CACNA2D1: variants seen among roughly 807,000 people sequenced by gnomAD.
CACNA2D1 encodes the protein voltage-dependent calcium channel subunit alpha-2/delta-1.
A neutral mutation model predicts 171.5 loss-of-function variants in CACNA2D1; 53 were observed. The ratio of observed to expected loss-of-function variants is 0.31; its 90% CI spans 0.25 to 0.39. The LOEUF (loss-of-function observed/expected upper bound fraction) is 0.39. CACNA2D1 is among the 10% of genes least tolerant of loss of function. The pLI is 1.00. For missense variants in CACNA2D1, 903 were observed against 1,299.8 expected, an observed-to-expected ratio of 0.69 and a Z score of 4.69; for synonymous variants, 442 against 443.1, an observed-to-expected ratio of 1.00 and a Z score of 0.03.
At chr7:82,289,952 T>G (rs1811314888) in intron 3 of CACNA2D1, among the ~76,000 whole-genome samples, 1 of 152,248 alleles carries the variant, frequency 6.6e-6, no homozygotes, top group Admixed American at 6.5e-5. Flanking sequence ...TTTTTGTTGC[T>G]GTTGTTCACT....
At chr7:82,413,725 T>C (rs1316040447) in intron 1 of CACNA2D1, among the ~76,000 whole-genome samples, 3 of 152,136 alleles carry the variant, frequency 2.0e-5, no homozygotes, top group Admixed American at 6.6e-5. Context: ...AATGAGCCTA[T>C]AAGTGATCTA....
In CACNA2D1 at chr7:81,960,010, G is replaced by A. The variant is rs75057395; in HGVS notation, c.2967-181C>T. Among the ~76,000 whole-genome samples the A allele has an allele frequency of 1.6e-3, 239 of 152,034 alleles. 1 individual carries two copies. Among genetic ancestry groups the A allele is most frequent in the African/African-American group, 5.4e-3 (226 of 41,496 alleles). ...AAATGCTTCATTTATTAGCATGAAC[G>A]TATTACCTATGTCAAATGAATAAAA... is the stretch of plus-strand genomic sequence containing the variant. On this transcript the variant is annotated intron_variant, in intron 36 of 38. Transcript: ENST00000356860.
At chr7:82,188,369 A>T (rs1797974798) in intron 3 of CACNA2D1, among the ~76,000 whole-genome samples, 1 of 152,242 alleles carries the variant, frequency 6.6e-6, no homozygotes, top group Non-Finnish European at 1.5e-5. Flanking sequence ...TAATTTAAGC[A>T]AAATAATAAA....
chr7:82,129,791 T>C (rs559823021), intron 5 of CACNA2D1, among the ~76,000 whole-genome samples: 5 of 152,348 alleles, frequency 3.3e-5, no homozygotes, highest in African/African-American at 9.6e-5. Flanking sequence ...GAAAGGCCTA[T>C]CTAGTCTCAA....
At chr7:82,409,279 A>G (rs1827395950) in intron 1 of CACNA2D1, among the ~76,000 whole-genome samples, 1 of 152,150 alleles carries the variant, frequency 6.6e-6, no homozygotes, top group Non-Finnish European at 1.5e-5. Flanking sequence ...TTATGTTAGT[A>G]CATTTTAAAA....
rs35419275 is a variant in CACNA2D1 at position 82,363,254 on chromosome 7, C to CTTTTTTTTTTTTT, written c.96-13618_96-13606dup. 3.2e-3 allele frequency among the ~76,000 whole-genome samples: 203 copies of CTTTTTTTTTTTTT among 63,434 alleles called. 37 individuals are homozygous for CTTTTTTTTTTTTT. The highest frequency in any genetic ancestry group is 0.016 in the African/African-American group (189 of 11,948). The allele number at this position is 63,434 out of a possible 152,430, so 41.6% of individuals were successfully genotyped here. A position where few individuals can be genotyped will look rare whatever the true frequency, so the allele number is the denominator to read the frequency against. On this transcript the variant is annotated intron_variant, in intron 1 of 38. Coordinates refer to ENST00000356860, the MANE Select transcript of CACNA2D1 (RefSeq NM_000722.4). Reference sequence around the variant, plus strand: ...CTACCATAGTTTTATTTATTTGTCTCTTTTTTTTTTTTTTTTTTTTTTTTT... The same window carrying CTTTTTTTTTTTTT: ...CTACCATAGTTTTATTTATTTGTCTCTTTTTTTTTTTTTTTTTTTTTTTTTTTTTTTTTTTTTT...
chr7:82,198,947 T>C (rs1317986315), intron 3 of CACNA2D1, among the ~76,000 whole-genome samples: 6 of 152,076 alleles, frequency 3.9e-5, no homozygotes, highest in Admixed American at 2.0e-4. Context: ...GGGGTTATAA[T>C]TGTGTATTCT....
intron 7 of CACNA2D1, among the ~76,000 whole-genome samples, chr7:82,072,768 A>G (rs188741842): frequency 5.1e-4 from 77 of 152,158 alleles, no homozygotes; most frequent in African/African-American, 1.6e-3. Context: ...CACTGGGTGC[A>G]TGAATTTGGA....
intron 3 of CACNA2D1, among the ~76,000 whole-genome samples, chr7:82,268,187 G>A (rs895006511): frequency 2.0e-5 from 3 of 152,118 alleles, no homozygotes; most frequent in South Asian, 2.1e-4. Context: ...AAGTATTTGC[G>A]AAATATTAAG....
chr7:82,033,517 T>G (rs1802957001), intron 11 of CACNA2D1, among the ~76,000 whole-genome samples: 1 of 152,112 alleles, frequency 6.6e-6, no homozygotes, highest in South Asian at 2.1e-4. Context: ...TCCCTCTTTA[T>G]TCATTCTACT....
At chr7:82,346,618 T>C (rs1044209728) in intron 2 of CACNA2D1, among the ~76,000 whole-genome samples, 1 of 152,246 alleles carries the variant, frequency 6.6e-6, no homozygotes, top group Non-Finnish European at 1.5e-5. Flanking sequence ...ACCATTTCTG[T>C]GCTATCAACA....
chr7:82,334,733 AG>A (rs1817781256), intron 3 of CACNA2D1, among the ~76,000 whole-genome samples: 1 of 152,114 alleles, frequency 6.6e-6, no homozygotes, highest in South Asian at 2.1e-4. Context: ...TCTAGCAGAG[AG>A]GAAGGGTGAT....
chr7:82,363,066 A>T (rs1011294132), intron 1 of CACNA2D1, among the ~76,000 whole-genome samples: 7 of 152,200 alleles, frequency 4.6e-5, no homozygotes, highest in South Asian at 4.1e-4. Context: ...TACATTGCTT[A>T]ATTTTTCAAT....
At chr7:82,255,873 G>C (rs38560) in intron 3 of CACNA2D1, among the ~76,000 whole-genome samples, 115,733 of 152,102 alleles carry the variant, frequency 0.76, 45,064 homozygotes, top group African/African-American at 0.92. Flanking sequence ...AGTCAAGTTA[G>C]TGAAATAGTC....
chr7:82,130,302 C>T (rs1790798041), intron 5 of CACNA2D1, among the ~76,000 whole-genome samples: 2 of 152,244 alleles, frequency 1.3e-5, no homozygotes, highest in South Asian at 4.1e-4. Context: ...GAGAAACTTT[C>T]ATTTCACTGC....
At chr7:82,013,581 T>C in intron 13 of CACNA2D1, 71 bp from the exon 14 acceptor site, 1 of 520,708 alleles carries the variant, frequency 1.9e-6, no homozygotes, top group South Asian at 4.6e-5. Context: ...TTATTTTATT[T>C]TATAAATATT....
At chr7:82,025,164 T>C (rs1157932603) in intron 12 of CACNA2D1, among the ~76,000 whole-genome samples, 1 of 151,702 alleles carries the variant, frequency 6.6e-6, no homozygotes, top group African/African-American at 2.4e-5. Flanking sequence ...TAGAATTTTT[T>C]TCTATTTTTA....
At chr7:82,403,936 T>C (rs187347158) in intron 1 of CACNA2D1, among the ~76,000 whole-genome samples, 157 of 152,324 alleles carry the variant, frequency 1.0e-3, no homozygotes, top group Middle Eastern at 3.4e-3. Context: ...CAACTACACT[T>C]CCTTACCAGA....
intron 10 of CACNA2D1, among the ~76,000 whole-genome samples, chr7:82,059,837 T>C (rs1806394569): frequency 6.7e-6 from 1 of 149,392 alleles, no homozygotes. Flanking sequence ...TGAGTTCATG[T>C]CCTTTGTAGG....
Sources: gnomAD v4.1 joint callset for allele counts (sites outside exome capture counted in the v4.1 genomes callset) on GRCh38, gnomAD v4.1.1 for gene constraint, MANE v1.5 for transcripts, NCBI Gene and HGNC (gene_info 2026-07-23, HGNC 2026-07-21) for gene names.